The following RBFOX1 variants were observed in gnomAD, a reference collection of about 807,000 sequenced individuals.
RBFOX1 encodes the protein RNA binding fox-1 homolog 1, also known as RNA binding protein fox-1 homolog 1.
A neutral mutation model predicts 57.7 loss-of-function variants in RBFOX1; 8 were observed. That is an observed-to-expected ratio of 0.14 (90% CI 0.08 to 0.25). The LOEUF is 0.25. Ranked by LOEUF, RBFOX1 falls within the 10% of genes least tolerant of loss-of-function variation. The pLI is 1.00. For missense variants in RBFOX1, 611 were observed against 548.5 expected, an observed-to-expected ratio of 1.11 and a Z score of -1.14; for synonymous variants, 326 against 222.4, an observed-to-expected ratio of 1.47 and a Z score of -4.15.
At chr16:7,297,353 G>A (rs2095916895) in intron 4 of RBFOX1, among the ~76,000 whole-genome samples, 1 of 152,200 alleles carries the variant, frequency 6.6e-6, no homozygotes, top group East Asian at 1.9e-4. Flanking sequence ...AACATATGCA[G>A]GTTTCCAACC....
chr16:7,192,497 C>G (rs2085659748), intron 4 of RBFOX1, among the ~76,000 whole-genome samples: 1 of 152,146 alleles, frequency 6.6e-6, no homozygotes, highest in South Asian at 2.1e-4. Context: ...GCACTCTTCA[C>G]TTTGAATAAA....
chr16:6,404,167 G>T (rs937079314), intron 2 of RBFOX1, among the ~76,000 whole-genome samples: 1 of 152,154 alleles, frequency 6.6e-6, no homozygotes, highest in African/African-American at 2.4e-5. Flanking sequence ...AACATGAGCA[G>T]ATTTTTTCTT....
rs551277818 is a variant in RBFOX1, at chr16:6,553,973, C to A, written c.-63-100630C>A. Among the ~76,000 whole-genome samples, 13 of 152,124 alleles carry A rather than the reference C, an allele frequency of 8.5e-5. No homozygotes were observed. In the East Asian group the frequency reaches 2.3e-3, roughly 27 times the overall value. ...CAGAGGGCAGGTACCAGGGTTTATTCATTTTGGAAACCCCAGGGTCTGGCA... is the reference window on the plus strand; with the variant it reads ...CAGAGGGCAGGTACCAGGGTTTATTAATTTTGGAAACCCCAGGGTCTGGCA... On this transcript the variant is annotated intron_variant, in intron 2 of 15. Coordinates refer to ENST00000550418, the MANE Select transcript of RBFOX1 (RefSeq NM_018723.4).
At chr16:6,114,635 A>T (rs1470697950) in intron 1 of RBFOX1, among the ~76,000 whole-genome samples, 1 of 152,112 alleles carries the variant, frequency 6.6e-6, no homozygotes, top group Non-Finnish European at 1.5e-5. Flanking sequence ...TGTTTTTATG[A>T]GACAAACAAT....
chr16:7,574,412 T>C (rs1034561523), intron 5 of RBFOX1, among the ~76,000 whole-genome samples: 38 of 152,296 alleles, frequency 2.5e-4, no homozygotes, highest in Admixed American at 2.5e-3. Flanking sequence ...ATAGGCCCTC[T>C]GTAAGCTGAG....
chr16:7,028,647 A>G (rs1597414549), intron 3 of RBFOX1, among the ~76,000 whole-genome samples: 3 of 149,796 alleles, frequency 2.0e-5, no homozygotes, highest in African/African-American at 7.3e-5. Context: ...TGAACCACAC[A>G]TCATTGTGAC....
intron 3 of RBFOX1, among the ~76,000 whole-genome samples, chr16:6,836,853 A>T (rs2093136087): frequency 6.6e-6 from 1 of 152,234 alleles, no homozygotes; most frequent in South Asian, 2.1e-4. Flanking sequence ...CATGATGCAG[A>T]ATACTTACTG....
chr16:5,675,071 C>A (rs931191011), intron 3 of RBFOX1, among the ~76,000 whole-genome samples: 1 of 152,006 alleles, frequency 6.6e-6, no homozygotes, highest in African/African-American at 2.4e-5. Context: ...TTGCTTGAGC[C>A]CAAGAGGTCA....
intron 1 of RBFOX1, among the ~76,000 whole-genome samples, chr16:5,254,737 G>T (rs2062541990): frequency 6.6e-6 from 1 of 152,232 alleles, no homozygotes; most frequent in Non-Finnish European, 1.5e-5. Context: ...TTGAAGGACA[G>T]TGTTGGAAAA....
intron 1 of RBFOX1, among the ~76,000 whole-genome samples, chr16:6,160,298 C>G (rs1387112518): frequency 1.3e-5 from 2 of 152,050 alleles, no homozygotes; most frequent in Non-Finnish European, 2.9e-5. Context: ...GTGTATGCAA[C>G]ATGATATTGT....
intron 4 of RBFOX1, among the ~76,000 whole-genome samples, chr16:5,993,535 C>G (rs567726136): frequency 5.3e-5 from 8 of 151,982 alleles, no homozygotes; most frequent in Non-Finnish European, 8.8e-5. Context: ...ACCTTCTTAC[C>G]CAGCAAGCAT....
intron 3 of RBFOX1, among the ~76,000 whole-genome samples, chr16:5,807,920 A>C (rs2055285973): frequency 6.6e-6 from 1 of 152,216 alleles, no homozygotes; most frequent in Admixed American, 6.5e-5. Context: ...CACCCCAGAC[A>C]GAACCACCAT....
intron 4 of RBFOX1, among the ~76,000 whole-genome samples, chr16:5,973,355 C>A (rs376070532): frequency 6.6e-6 from 1 of 152,222 alleles, no homozygotes; most frequent in Non-Finnish European, 1.5e-5. Context: ...GACCACTCTT[C>A]ACCAACCTGC....
At chr16:6,958,890 G>A (rs1356350105) in intron 3 of RBFOX1, among the ~76,000 whole-genome samples, 1 of 152,060 alleles carries the variant, frequency 6.6e-6, no homozygotes, top group African/African-American at 2.4e-5. Flanking sequence ...ACTGAGAAAT[G>A]ATACAGGTAA....
intron 1 of RBFOX1, among the ~76,000 whole-genome samples, chr16:5,322,855 A>C (rs763770165): frequency 1.4e-4 from 21 of 152,202 alleles, no homozygotes; most frequent in African/African-American, 5.1e-4. Flanking sequence ...GCAGAGCAGT[A>C]ATCACTCACC....
intron 2 of RBFOX1, among the ~76,000 whole-genome samples, chr16:6,587,909 A>C (rs989498775): frequency 6.6e-5 from 10 of 152,170 alleles, no homozygotes; most frequent in African/African-American, 1.9e-4. Context: ...CTCATGCCTA[A>C]AGGCTTCAAC....
At chr16:5,769,118 G>T (rs1442744515) in intron 3 of RBFOX1, among the ~76,000 whole-genome samples, 2 of 152,112 alleles carry the variant, frequency 1.3e-5, no homozygotes, top group African/African-American at 4.8e-5. Flanking sequence ...ATAGGATATG[G>T]AAGAGAGGTG....
intron 4 of RBFOX1, among the ~76,000 whole-genome samples, chr16:7,149,701 C>T (rs369579638): frequency 1.1e-3 from 171 of 151,846 alleles, no homozygotes; most frequent in Non-Finnish European, 2.0e-3. Flanking sequence ...CATGAGCCAC[C>T]AGGCTTATCC....
intron 4 of RBFOX1, among the ~76,000 whole-genome samples, chr16:5,910,163 C>G (rs1237390290): frequency 6.6e-6 from 1 of 152,108 alleles, no homozygotes; most frequent in Non-Finnish European, 1.5e-5. Context: ...GTTTGTGAAG[C>G]CTTTTCTGTC....
Sources: gnomAD v4.1 joint callset for allele counts (sites outside exome capture counted in the v4.1 genomes callset) on GRCh38, gnomAD v4.1.1 for gene constraint, MANE v1.5 for transcripts, NCBI Gene and HGNC (gene_info 2026-07-23, HGNC 2026-07-21) for gene names.